The following TMCC1 variants were observed in gnomAD, a reference collection of about 807,000 sequenced individuals.
TMCC1 encodes the protein transmembrane and coiled-coil domains protein 1.
A neutral mutation model predicts 52.4 loss-of-function variants in TMCC1; 15 were observed. The ratio of observed to expected loss-of-function variants is 0.29; its 90% confidence interval spans 0.19 to 0.44. The LOEUF is 0.44. Among genes scored for constraint, TMCC1 ranks in the 20% least tolerant of loss-of-function variants. The pLI, the probability that TMCC1 is intolerant of heterozygous loss-of-function variation, is 1.00. For missense variants in TMCC1, 503 were observed against 806.0 expected (o/e 0.62, Z 4.55); for synonymous variants, 279 against 301.9 (o/e 0.92, Z 0.79).
In TMCC1 at chr3:129,655,111, G is replaced by GA. The variant is rs748511360; in HGVS notation, c.1512-9dup. 109 of 1,585,494 alleles carry GA rather than the reference G, an allele frequency of 6.9e-5. No homozygotes were observed. The highest frequency in any genetic ancestry group is 1.6e-4 in the East Asian group (7 of 44,554). On this transcript the variant is annotated splice_polypyrimidine_tract_variant and intron_variant, in intron 5 of 6. Transcript: ENST00000393238. ...TCTTCCAATCGTTCACATCTAAGGAGAAAAAAAAAGTTTAGAATTTTATGA... is the reference window on the plus strand; with the variant it reads ...TCTTCCAATCGTTCACATCTAAGGAGAAAAAAAAAAGTTTAGAATTTTATGA...
intron 4 of TMCC1, among the ~76,000 whole-genome samples, chr3:129,681,565 T>C (rs777927832): frequency 4.0e-5 from 6 of 151,506 alleles, no homozygotes; most frequent in Non-Finnish European, 8.8e-5. Context: ...GGAGGCCAGG[T>C]AGGAAGCTAT....
intron 5 of TMCC1, among the ~76,000 whole-genome samples, chr3:129,660,771 TA>T (rs1430743678): frequency 1.3e-5 from 2 of 152,206 alleles, no homozygotes; most frequent in African/African-American, 4.8e-5. Context: ...AAGTAATTTT[TA>T]TTTTTTTATT....
At chr3:129,859,013 T>C (rs150152334) in intron 2 of TMCC1, among the ~76,000 whole-genome samples, 3 of 152,316 alleles carry the variant, frequency 2.0e-5, no homozygotes, top group African/African-American at 4.8e-5. Context: ...AATATAAACA[T>C]AGTATATGGT....
chr3:129,765,743 T>C (rs561977567), intron 4 of TMCC1, among the ~76,000 whole-genome samples: 2 of 152,302 alleles, frequency 1.3e-5, no homozygotes, highest in African/African-American at 4.8e-5. Context: ...TTCTGGGTTA[T>C]GGAGCTCAAC....
chr3:129,766,936 A>T (rs1454819591), intron 4 of TMCC1, among the ~76,000 whole-genome samples: 1 of 151,578 alleles, frequency 6.6e-6, no homozygotes, highest in Non-Finnish European at 1.5e-5. Flanking sequence ...AATAAATCTT[A>T]TGATAAATTG....
chr3:129,726,895 A>AAAAAAAAAAAAAAAAAAAAAAAC (rs1208458810), intron 4 of TMCC1, among the ~76,000 whole-genome samples: 2 of 143,720 alleles, frequency 1.4e-5, no homozygotes, highest in Non-Finnish European at 1.5e-5. Flanking sequence ...AAAAAAAAAA[A>AAAAAAAAAAAAAAAAAAAAAAAC]AAAGAACCAC....
intron 5 of TMCC1, among the ~76,000 whole-genome samples, chr3:129,661,873 T>C (rs1416796610): frequency 6.6e-6 from 1 of 152,216 alleles, no homozygotes; most frequent in Non-Finnish European, 1.5e-5. Context: ...ACCTGTATTC[T>C]AGTTCCCACT....
chr3:129,670,637 C>T lies in TMCC1; in HGVS notation c.1204G>A (p.Gly402Arg), dbSNP rs773506311. 1.2e-6 allele frequency: 2 copies of T among 1,614,216 alleles called. No homozygotes were observed. The highest frequency in any genetic ancestry group is 1.1e-5 in the South Asian group (1 of 91,082). ...TTTGAAATCACTCCCAAAGCCTTCC[C>T]CGCATCATCCACTTGCCCTTCCTCT... is the stretch of plus-strand genomic sequence containing the variant. ...SLEEGQVDDA[G>R]KALGVISNFQ... The change falls in exon 5 of 7, where the codon GGG becomes AGG. Residue 402 changes from glycine (G) to arginine (R), a missense_variant. By Grantham distance (125) the Gly-to-Arg change is moderately radical (BLOSUM62 -2). This residue lies in a region of TMCC1 where 38 missense variants were observed against 29.8 expected (regional missense o/e 1.28). Transcript: ENST00000393238.
chr3:129,866,377 T>C lies in TMCC1; in HGVS notation c.-184+13932A>G, dbSNP rs868481229. 8.4e-5 allele frequency among the ~76,000 whole-genome samples: 12 copies of C among 142,700 alleles called. 1 individual carries two copies. The highest frequency in any genetic ancestry group is 2.2e-4 in the Admixed American group (3 of 13,718). 93.6% of individuals were successfully genotyped at this position (142,700 alleles called of 152,430 possible). ...ATAATATATATTTTATATATATATA[T>C]GTTTTTTTTTTTTTTTTGAGACAGA... On this transcript the variant is annotated intron_variant, in intron 2 of 6. Transcript: ENST00000393238.
intron 4 of TMCC1, among the ~76,000 whole-genome samples, chr3:129,806,179 T>A (rs1259679373): frequency 1.3e-5 from 2 of 152,138 alleles, no homozygotes; most frequent in African/African-American, 4.8e-5. Flanking sequence ...TTGGGAAGCA[T>A]GGATTAAACG....
intron 4 of TMCC1, among the ~76,000 whole-genome samples, chr3:129,778,791 TG>T (rs1365124480): frequency 6.6e-6 from 1 of 152,160 alleles, no homozygotes. Context: ...TGCCATCATG[TG>T]AAGAAGGATG....
intron 4 of TMCC1, among the ~76,000 whole-genome samples, chr3:129,726,209 C>T (rs1043597162): frequency 2.7e-4 from 41 of 152,102 alleles, no homozygotes; most frequent in African/African-American, 9.2e-4. Context: ...TCCTCAATGT[C>T]GGAGACAAAA....
At position 129,670,605 on chromosome 3, in the gene TMCC1, C is replaced by A; in HGVS notation, c.1236G>T (p.Gln412His). 2 of 1,614,220 alleles carry A rather than the reference C, an allele frequency of 1.2e-6. No individual in the cohort carries two copies. The highest frequency in any genetic ancestry group is 1.7e-6 in the Non-Finnish European group (2 of 1,180,038). ...CTTCACTACCATATTTTGGGCTAGA[C>A]TGAAAGTTTGAAATCACTCCCAAAG... ...GKALGVISNFQSSPKYGSEED... is the reference protein window; with the variant it reads ...GKALGVISNFHSSPKYGSEED... The change falls in exon 5 of 7, where the codon CAG becomes CAT. Residue 412 changes from glutamine to histidine, a missense_variant. Around this residue, in one of 7 missense-constraint regions of TMCC1, gnomAD observed 38 missense variants for 29.8 expected, o/e 1.28. Transcript: ENST00000393238.
chr3:129,745,897 A>G (rs982918814), intron 4 of TMCC1, among the ~76,000 whole-genome samples: 1 of 151,066 alleles, frequency 6.6e-6, no homozygotes, highest in Non-Finnish European at 1.5e-5. Context: ...CCTGGGCAAC[A>G]CAGTGAGACT....
At chr3:129,845,019 T>C (rs1440187470) in intron 2 of TMCC1, among the ~76,000 whole-genome samples, 1 of 152,134 alleles carries the variant, frequency 6.6e-6, no homozygotes, top group Non-Finnish European at 1.5e-5. Flanking sequence ...GGTGAAACCC[T>C]GTCTCTACAA....
intron 4 of TMCC1, among the ~76,000 whole-genome samples, chr3:129,824,221 A>G (rs2107824838): frequency 6.6e-6 from 1 of 152,288 alleles, no homozygotes; most frequent in Non-Finnish European, 1.5e-5. Flanking sequence ...CTGTAATCCC[A>G]GCTATTCTGG....
chr3:129,784,754 A>C (rs2055852551), intron 4 of TMCC1, among the ~76,000 whole-genome samples: 1 of 152,054 alleles, frequency 6.6e-6, no homozygotes, highest in Non-Finnish European at 1.5e-5. Context: ...ACTTGAGGCC[A>C]TGAGTTTGAG....
intron 5 of TMCC1, among the ~76,000 whole-genome samples, chr3:129,658,981 T>A (rs1037035443): frequency 1.3e-5 from 2 of 152,206 alleles, no homozygotes; most frequent in African/African-American, 4.8e-5. Context: ...TCAGGGATGT[T>A]GCAGAAATAA....
rs1336777452 is a variant in TMCC1, at chr3:129,770,512, A to G, written c.576+57291T>C. 2.6e-5 allele frequency among the ~76,000 whole-genome samples: 4 copies of G among 152,118 alleles called. No individual in the cohort carries two copies. In the East Asian group the frequency reaches 5.8e-4, roughly 22 times the overall value. On this transcript the variant is annotated intron_variant, in intron 4 of 6. Transcript: ENST00000393238. ...AGGATTGCTTGAGCCTAGGAGGCGG[A>G]GGCTGCAGTGAGCTGTGATCACACC... is the stretch of plus-strand genomic sequence containing the variant.
Sources: allele counts gnomAD v4.1 joint callset (sites outside exome capture counted in the v4.1 genomes callset), GRCh38; gene constraint gnomAD v4.1.1; regional missense constraint gnomAD v4.1.1; transcripts MANE v1.5; gene names NCBI Gene and HGNC (gene_info 2026-07-23, HGNC 2026-07-21).